SYTL5: variants seen among roughly 807,000 people sequenced by gnomAD.
SYTL5 encodes synaptotagmin like 5.
In SYTL5, 34 loss-of-function variants were observed where a neutral mutation model predicts 55.9. That is an observed-to-expected ratio of 0.61 (90% CI 0.46 to 0.81). The LOEUF (loss-of-function observed/expected upper bound fraction) is 0.81. Ranked by LOEUF, SYTL5 falls within the 30% of genes least tolerant of loss-of-function variation. SYTL5 has a pLI of 0.00. For synonymous variants in SYTL5, 221 were observed against 188.7 expected (o/e 1.17, Z -1.40); for missense variants, 637 against 546.7 (o/e 1.17, Z -1.65).
the SYTL5 span, chrX:37,991,362 T>A: frequency 2.3e-6 from 2 of 856,558 alleles, no homozygotes; most frequent in Non-Finnish European, 3.2e-6. Context: ...GTTGTAGGTG[T>A]CTGTAAGACA....
the SYTL5 span, among the ~76,000 whole-genome samples, chrX:37,974,925 T>C: frequency 8.0e-5 from 9 of 112,197 alleles, no homozygotes; most frequent in Non-Finnish European, 1.7e-4. Context: ...GGGTCATTGT[T>C]CTTTCTGTGT....
intron 1 of SYTL5, among the ~76,000 whole-genome samples, chrX:38,022,559 C>T (rs1934593201): frequency 1.8e-5 from 2 of 111,764 alleles, no homozygotes; most frequent in Admixed American, 1.9e-4. Flanking sequence ...TCAGCCTCTG[C>T]TTATGTCGTC....
chrX:38,000,447 G>A, the SYTL5 span, among the ~76,000 whole-genome samples: 1 of 112,446 alleles, frequency 8.9e-6, no homozygotes, highest in Non-Finnish European at 1.9e-5. Context: ...ATGGACGTGT[G>A]GCTCACTTCT....
intron 3 of SYTL5, among the ~76,000 whole-genome samples, chrX:38,065,174 T>C (rs758994786): frequency 7.1e-5 from 8 of 111,958 alleles, no homozygotes; most frequent in Non-Finnish European, 1.3e-4. Context: ...TCCTGGCTGA[T>C]ACATAATTTT....
chrX:38,040,502 C>T (rs918626086), intron 2 of SYTL5, among the ~76,000 whole-genome samples: 1 of 106,545 alleles, frequency 9.4e-6, no homozygotes, highest in Admixed American at 1.0e-4. Context: ...CCTCTGGCAA[C>T]CATCCTTCTA....
chrX:38,084,722 C>T (rs1203813119), intron 6 of SYTL5, among the ~76,000 whole-genome samples: 1 of 110,831 alleles, frequency 9.0e-6, no homozygotes, highest in African/African-American at 3.3e-5. Flanking sequence ...GATCAAAAAC[C>T]TTTTCTGTAA....
chrX:38,122,245 T>C, intron 15 of SYTL5, 30 bp downstream of exon 15: 1 of 1,178,780 alleles, frequency 8.5e-7, no homozygotes, highest in Non-Finnish European at 1.1e-6. Flanking sequence ...TTTTGGATGA[T>C]ACTTAATAGG....
the SYTL5 span, among the ~76,000 whole-genome samples, chrX:38,000,567 T>TGTTAC: frequency 1.8e-5 from 2 of 111,893 alleles, no homozygotes; most frequent in African/African-American, 6.5e-5. Flanking sequence ...GAAGCCTCAG[T>TGTTAC]AGGCATGTGT....
chrX:37,908,915 G>A, the SYTL5 span, among the ~76,000 whole-genome samples: 2 of 111,700 alleles, frequency 1.8e-5, no homozygotes, highest in African/African-American at 6.5e-5. Flanking sequence ...CTGATGAGTG[G>A]TTTGCTGCCA....
upstream of SYTL5, among the ~76,000 whole-genome samples, chrX:38,005,545 A>G (rs759669164): frequency 9.0e-6 from 1 of 111,470 alleles, no homozygotes; most frequent in South Asian, 3.8e-4. Context: ...AAATAACCAC[A>G]TGGAAATTTT....
intron 1 of SYTL5, among the ~76,000 whole-genome samples, chrX:38,023,407 A>G (rs1298725475): frequency 4.5e-5 from 5 of 111,979 alleles, no homozygotes; most frequent in Non-Finnish European, 7.5e-5. Flanking sequence ...ATATGGAAAT[A>G]AGTCCCTTTT....
chrX:38,112,868 A>T lies in SYTL5; in HGVS notation c.1596+2386A>T, dbSNP rs150240047. On this transcript the variant is annotated intron_variant, in intron 13 of 16. Transcript: ENST00000297875. ...TAGTATGAGCAGCCTTGGAGACTTG[A>T]CGTTTCTCATAGATTATGCAGTCGA... Among the ~76,000 whole-genome samples, 588 of 112,007 alleles carry T rather than the reference A, an allele frequency of 5.2e-3. 3 individuals carry two copies. The highest frequency in any genetic ancestry group is 0.018 in the Middle Eastern group (4 of 217).
intron 10 of SYTL5, among the ~76,000 whole-genome samples, chrX:38,104,557 T>G (rs1163081881): frequency 8.9e-6 from 1 of 112,030 alleles, no homozygotes; most frequent in Non-Finnish European, 1.9e-5. Context: ...CTCTTGCCCG[T>G]GAAGAAGCTT....
intron 11 of SYTL5, among the ~76,000 whole-genome samples, chrX:38,107,038 G>C (rs1381599245): frequency 8.9e-6 from 1 of 112,505 alleles, no homozygotes; most frequent in Non-Finnish European, 1.9e-5. Context: ...GTAGAATGCT[G>C]ACATGTTGGC....
At chrX:38,018,263 A>G (rs897859106) in intron 1 of SYTL5, among the ~76,000 whole-genome samples, 1 of 110,432 alleles carries the variant, frequency 9.1e-6, no homozygotes, top group African/African-American at 3.3e-5. Context: ...GGCCTGCCAC[A>G]CTCTGTCCAT....
chrX:37,965,529 G>A, the SYTL5 span, among the ~76,000 whole-genome samples: 10 of 111,296 alleles, frequency 9.0e-5, no homozygotes, highest in African/African-American at 2.9e-4. Flanking sequence ...GGGATCTAAC[G>A]TGATCTATAT....
intron 13 of SYTL5, among the ~76,000 whole-genome samples, chrX:38,119,237 C>A (rs149481260): frequency 0.013 from 1,475 of 110,401 alleles, 32 homozygotes; most frequent in African/African-American, 0.046. Context: ...ATTTTATCAC[C>A]TTTATAGGTT....
the SYTL5 span, among the ~76,000 whole-genome samples, chrX:37,890,511 C>T: frequency 2.8e-4 from 31 of 111,770 alleles, no homozygotes; most frequent in African/African-American, 9.8e-4. Context: ...TAAAAACTCC[C>T]TTCTCTCCTA....
chrX:38,102,630 T>C (rs1234103951), intron 10 of SYTL5, among the ~76,000 whole-genome samples, 196 bp downstream of exon 10: 1 of 111,654 alleles, frequency 9.0e-6, no homozygotes, highest in Non-Finnish European at 1.9e-5. Flanking sequence ...AGGCTCCTGA[T>C]TTCTTCCTTC....
Sources: allele counts gnomAD v4.1 joint callset (sites outside exome capture counted in the v4.1 genomes callset), GRCh38; gene constraint gnomAD v4.1.1; transcripts MANE v1.5; gene names NCBI Gene and HGNC (gene_info 2026-07-23, HGNC 2026-07-21).